Variants in METTL27 observed in about 807,000 individuals in gnomAD.
The protein encoded by METTL27 is methyltransferase like 27, also known as methyltransferase-like protein 27.
A neutral mutation model predicts 24.5 loss-of-function variants in METTL27; 29 were observed. The observed-to-expected ratio is 1.18, with a 90% CI of 0.88 to 1.61. The LOEUF is 1.61. Ranked by LOEUF, METTL27 falls within the 40% of genes most tolerant of loss-of-function variation. The pLI is 0.00. For missense variants in METTL27, 341 were observed against 324.3 expected (o/e 1.05, Z -0.40); for synonymous variants, 138 against 146.8 (o/e 0.94, Z 0.43).
rs782064091 is a variant in METTL27 at position 73,835,051 on chromosome 7, C to T, written c.479-49G>A. On this transcript the variant is annotated intron_variant, in intron 5 of 5. Transcript: ENST00000297873. ...TGGGGGAGGGGCAGGAGCCACAGTC[C>T]TGGGCCATCTCTGCTGGGGATGGTT... The T allele has an allele frequency of 4.5e-6, 7 of 1,548,664 alleles. No individual in the cohort carries two copies. In the East Asian group the frequency reaches 1.6e-4, roughly 36 times the overall value.
chr7:73,836,160 G>GT (rs1788182934), intron 5 of METTL27, among the ~76,000 whole-genome samples: 1 of 78,976 alleles, frequency 1.3e-5, no homozygotes, highest in African/African-American at 4.0e-5. Flanking sequence ...CCGGCCAGCC[G>GT]CCCATCCGGG....
In METTL27 at chr7:73,840,091, C is replaced by G. The variant is rs1788305706; in HGVS notation, c.418G>C (p.Ala140Pro). ...CAGGGCACCTGGCCGTCACTGAGGG[C>G]ACCGACTATCAGCACCGCGTCGAAG... ...GTFDAVLIVG[A>P]LSDGQVPCNA... The change falls in exon 5 of 6, where the codon GCC becomes CCC. Residue 140 changes from alanine (A) to proline (P), a missense_variant. Ala to Pro is a conservative substitution (Grantham distance 27, BLOSUM62 -1). Coordinates refer to ENST00000297873, the MANE Select transcript of METTL27 (RefSeq NM_152559.3). The G allele has an allele frequency of 6.2e-7, 1 of 1,607,048 alleles. No homozygotes were observed. Among genetic ancestry groups the G allele is most frequent in the Non-Finnish European group, 8.5e-7 (1 of 1,177,924 alleles).
At chr7:73,840,876 A>G (rs1788334184) in intron 3 of METTL27, among the ~76,000 whole-genome samples, 194 bp downstream of exon 3, 1 of 151,970 alleles carries the variant, frequency 6.6e-6, no homozygotes, top group Non-Finnish European at 1.5e-5. Context: ...GCCCAGGCTG[A>G]CCTCAAACTC....
In METTL27 at chr7:73,834,722, C is replaced by CTGGGGGT. The variant is rs1554634678; in HGVS notation, c.*20_*21insACCCCCA. On this transcript the variant is annotated 3_prime_UTR_variant, in exon 6 of 6. Transcript: ENST00000297873. ...AAGGCCACATGGAGTCAGGGGCCAG[C>CTGGGGGT]TGGGGGCTGGGGGCTGGATCTCACT... is the stretch of plus-strand genomic sequence containing the variant. 4 of 1,605,258 alleles carry CTGGGGGT rather than the reference C, an allele frequency of 2.5e-6. No individual in the cohort carries two copies. Among genetic ancestry groups the CTGGGGGT allele is most frequent in the Non-Finnish European group, 2.6e-6 (3 of 1,175,066 alleles).
intron 5 of METTL27, among the ~76,000 whole-genome samples, chr7:73,835,902 GCAA>G (rs1733654131): frequency 7.9e-6 from 1 of 126,992 alleles, no homozygotes; most frequent in Non-Finnish European, 1.8e-5. Flanking sequence ...CTGCCCGGCC[GCAA>G]CCCCGTCTGG....
chr7:73,842,343 G>C (rs370569885), intron 1 of METTL27, 147 bp downstream of exon 1: 4 of 837,964 alleles, frequency 4.8e-6, no homozygotes, highest in Middle Eastern at 7.5e-4. Context: ...TGCAGGGCTG[G>C]GGGAAGGGCA....
chr7:73,837,494 A>T (rs1229720065), intron 5 of METTL27, among the ~76,000 whole-genome samples: 3 of 148,534 alleles, frequency 2.0e-5, no homozygotes, highest in African/African-American at 4.9e-5. Flanking sequence ...AAAAAAAAAG[A>T]AAAAGAAATT....
At position 73,840,483 on chromosome 7, in the gene METTL27, G is replaced by A; in HGVS notation, c.319C>T (p.Gln107Ter). The A allele has an allele frequency of 3.7e-6, 6 of 1,610,362 alleles. No individual in the cohort carries two copies. Among genetic ancestry groups the A allele is most frequent in the South Asian group, 1.1e-5 (1 of 90,720 alleles). The change falls in exon 4 of 6, where the codon CAG (glutamine) becomes TAG (stop). Residue 107 changes from glutamine (Q) to a stop codon, truncating the protein, a stop_gained. Transcript: ENST00000297873. LOFTEE classifies it high-confidence loss of function. ...AGGCGCTGATAGAGGCCGGGGGCCTGGGCCTGTTCCAGCATCCCTGGGCTC... is the reference window on the plus strand; with the variant it reads ...AGGCGCTGATAGAGGCCGGGGGCCTAGGCCTGTTCCAGCATCCCTGGGCTC... Reference protein sequence around the residue: ...DGSPGMLEQAQAPGLYQRLSL... With the variant: ...DGSPGMLEQA
intron 5 of METTL27, among the ~76,000 whole-genome samples, chr7:73,838,878 T>G (rs1250916596): frequency 6.6e-6 from 1 of 152,196 alleles, no homozygotes; most frequent in Non-Finnish European, 1.5e-5. Context: ...TTTCCTGTCC[T>G]GCAGCCAGCC....
chr7:73,837,696 T>C (rs576468636), intron 5 of METTL27, among the ~76,000 whole-genome samples: 1 of 152,250 alleles, frequency 6.6e-6, no homozygotes, highest in Admixed American at 6.5e-5. Flanking sequence ...CCCTTGCAGC[T>C]GGGATTACAG....
At chr7:73,835,151 C>A (rs1788128209) in intron 5 of METTL27, 149 bp from the exon 6 acceptor site, 1 of 556,886 alleles carries the variant, frequency 1.8e-6, no homozygotes, top group Admixed American at 4.9e-5. Context: ...CTCCCTCTCC[C>A]TCCTCTCCCT....
rs145631160 is a variant in METTL27, at chr7:73,842,096, C to T, written c.45G>A (p.Arg15=). The T allele has an allele frequency of 5.6e-5, 90 of 1,613,574 alleles. No individual in the cohort carries two copies. The East Asian group carries it at 2.0e-3, about 36-fold the overall frequency. Residue 15 remains arginine (R), a synonymous_variant, in exon 2 of 6, where the codon CGG becomes CGA. Coordinates refer to ENST00000297873, the MANE Select transcript of METTL27 (RefSeq NM_152559.3). The part of the protein sequence containing the change: ...EGGSLPEVRA[R]VRAAHGIPDL... The stretch of plus-strand genomic sequence containing the variant: ...CGGGGATGCCATGCGCGGCCCTGAC[C>T]CGCGCCCGCACCTCGGGCAGGCTCC...
intron 5 of METTL27, chr7:73,839,818 A>C: frequency 2.1e-6 from 1 of 477,186 alleles, no homozygotes; most frequent in East Asian, 3.4e-5. Context: ...CTGGTTGTCC[A>C]TGGATAAGAG....
intron 2 of METTL27, 37 bp downstream of exon 2, chr7:73,841,981 G>C: frequency 3.1e-6 from 5 of 1,613,666 alleles, no homozygotes; most frequent in Admixed American, 1.7e-5. Flanking sequence ...AAAAATGGAG[G>C]CTGGTCTAGT....
chr7:73,841,301 G>C (rs1788348606), intron 2 of METTL27, 103 bp from the exon 3 acceptor site: 1 of 1,466,966 alleles, frequency 6.8e-7, no homozygotes, highest in African/African-American at 1.5e-5. Flanking sequence ...GTGTGTGTTG[G>C]GGATCAAGCC....
chr7:73,842,242 C>G, intron 1 of METTL27, 98 bp from the exon 2 acceptor site: 2 of 1,491,530 alleles, frequency 1.3e-6, no homozygotes, highest in Non-Finnish European at 1.8e-6. Flanking sequence ...GCTGCCAGGC[C>G]TCCTGCCAGC....
chr7:73,839,960 T>G, intron 5 of METTL27, 71 bp downstream of exon 5: 1 of 1,405,320 alleles, frequency 7.1e-7, no homozygotes, highest in Non-Finnish European at 9.8e-7. Flanking sequence ...CTGGGGCCTG[T>G]GTCTGCACTA....
rs782395440 is a variant in METTL27, at chr7:73,840,139, G to GA, written c.389-20_389-19insT. 1 of 1,451,662 alleles carries GA rather than the reference G, an allele frequency of 6.9e-7. No individual in the cohort carries two copies. Among genetic ancestry groups the GA allele is most frequent in the Non-Finnish European group, 9.5e-7 (1 of 1,052,090 alleles). 89.9% of individuals were successfully genotyped at this position (1,451,662 alleles called of 1,614,324 possible). ...AAGGTCCCTGTGTGTGTGTGGGGGG[G>GA]GGTGGGGACATGGTGTGATGCTTGG... is the stretch of plus-strand genomic sequence containing the variant. On this transcript the variant is annotated intron_variant, in intron 4 of 5. Coordinates refer to ENST00000297873, the MANE Select transcript of METTL27 (RefSeq NM_152559.3).
chr7:73,841,325 C>T (rs1290681627), intron 2 of METTL27, 127 bp from the exon 3 acceptor site: 78 of 1,355,878 alleles, frequency 5.8e-5, no homozygotes, highest in Non-Finnish European at 7.2e-5. Context: ...CTGGGGCTAG[C>T]GTGAGGGGAC....
Sources: gnomAD v4.1 joint callset for allele counts (sites outside exome capture counted in the v4.1 genomes callset) on GRCh38, gnomAD v4.1.1 for gene constraint, MANE v1.5 for transcripts, NCBI Gene and HGNC (gene_info 2026-07-23, HGNC 2026-07-21) for gene names.